The following CELF2 variants were observed in gnomAD, a reference collection of about 807,000 sequenced individuals.
CELF2 encodes CUGBP Elav-like family member 2.
In CELF2, 8 loss-of-function variants were observed where a neutral mutation model predicts 62.6. The ratio of observed to expected loss-of-function variants is 0.13; its 90% CI spans 0.07 to 0.23. The LOEUF (loss-of-function observed/expected upper bound fraction) is 0.23. Among genes scored for constraint, CELF2 ranks in the 10% least tolerant of loss-of-function variants. The probability of loss-of-function intolerance (pLI) is 1.00; values close to 1 mark genes in which losing one functional copy is unlikely to be tolerated. For missense variants in CELF2, 333 were observed against 671.0 expected, an observed-to-expected ratio of 0.50 and a Z score of 5.56; for synonymous variants, 258 against 250.0, an observed-to-expected ratio of 1.03 and a Z score of -0.30.
At chr10:10,842,219 A>C (rs1394141306) in intron 1 of CELF2, among the ~76,000 whole-genome samples, 1 of 152,020 alleles carries the variant, frequency 6.6e-6, no homozygotes, top group African/African-American at 2.4e-5. Context: ...TACATTGCCA[A>C]TTATGCCATC....
At chr10:11,176,630 T>C (rs2133869173) in intron 2 of CELF2, among the ~76,000 whole-genome samples, 1 of 152,328 alleles carries the variant, frequency 6.6e-6, no homozygotes, top group Non-Finnish European at 1.5e-5. Flanking sequence ...GCCTGGCATA[T>C]GGTGGAAACT....
the CELF2 span, among the ~76,000 whole-genome samples, chr10:10,511,534 AG>A: frequency 6.6e-6 from 1 of 152,160 alleles, no homozygotes. Context: ...AAAGGAAAAA[AG>A]CAAAAGTAAG....
chr10:10,982,287 A>G (rs920378173), intron 2 of CELF2, among the ~76,000 whole-genome samples: 2 of 151,990 alleles, frequency 1.3e-5, no homozygotes. Context: ...GGCCCATACA[A>G]TCAAAATCCT....
the CELF2 span, among the ~76,000 whole-genome samples, chr10:10,728,737 T>C: frequency 6.6e-6 from 1 of 152,242 alleles, no homozygotes; most frequent in African/African-American, 2.4e-5. Context: ...AGTGGTAATG[T>C]ATGCACATTG....
chr10:10,924,598 A>G (rs1226275027), intron 2 of CELF2, among the ~76,000 whole-genome samples: 1 of 152,228 alleles, frequency 6.6e-6, no homozygotes, highest in Non-Finnish European at 1.5e-5. Context: ...AATTCGGTAT[A>G]TAAATCAGAT....
At chr10:11,283,733 T>C (rs149272981) in intron 8 of CELF2, among the ~76,000 whole-genome samples, 32 of 151,544 alleles carry the variant, frequency 2.1e-4, no homozygotes, top group African/African-American at 7.8e-4. Flanking sequence ...CTCCCTGGCC[T>C]GAGCCTAGAA....
intron 2 of CELF2, among the ~76,000 whole-genome samples, chr10:11,180,830 C>A (rs988636313): frequency 1.3e-5 from 2 of 152,056 alleles, no homozygotes; most frequent in Admixed American, 1.3e-4. Flanking sequence ...AGTAACACAT[C>A]TAAGTATGTG....
At chr10:11,186,693 T>C (rs1435927543) in intron 2 of CELF2, among the ~76,000 whole-genome samples, 2 of 152,162 alleles carry the variant, frequency 1.3e-5, no homozygotes, top group Non-Finnish European at 2.9e-5. Flanking sequence ...AGTACTGACA[T>C]GATGTTCAAA....
At chr10:10,760,062 G>C in the CELF2 span, among the ~76,000 whole-genome samples, 2 of 152,002 alleles carry the variant, frequency 1.3e-5, no homozygotes, top group African/African-American at 4.8e-5. Flanking sequence ...GTGCCATCAC[G>C]CCTGGCTAAT....
intron 1 of CELF2, among the ~76,000 whole-genome samples, chr10:10,825,213 T>C (rs1191097977): frequency 6.6e-6 from 1 of 152,120 alleles, no homozygotes; most frequent in Non-Finnish European, 1.5e-5. Context: ...TTTTTGTTTT[T>C]TGTGTTTTGT....
At chr10:11,205,923 A>C (rs1465235416) in intron 2 of CELF2, among the ~76,000 whole-genome samples, 1 of 152,236 alleles carries the variant, frequency 6.6e-6, no homozygotes, top group African/African-American at 2.4e-5. Context: ...ACTTCAGCCT[A>C]GCCTTGGATT....
Position 10,993,181 on chromosome 10 carries a change from T to C in CELF2, c.89+73182T>C, listed in dbSNP as rs1478194271. On this transcript the variant is annotated intron_variant, in intron 2 of 13. Transcript: ENST00000636488. This position sits in a 1 kb window ranked among gnomAD's most constrained non-coding sequence, Gnocchi z 5.3. ...AGGTGTATGAGCTACAAAATAACTG[T>C]TGCTTCCCTTCTGTCCTTCAGATCT... Among the ~76,000 whole-genome samples the C allele has an allele frequency of 2.0e-5, 3 of 152,080 alleles. No individual in the cohort carries two copies. Among genetic ancestry groups the C allele is most frequent in the Non-Finnish European group, 4.4e-5 (3 of 68,002 alleles).
chr10:10,924,231 G>A lies in CELF2; in HGVS notation c.89+4232G>A, dbSNP rs562616548. 4.0e-3 allele frequency among the ~76,000 whole-genome samples: 504 copies of A among 124,544 alleles called. 1 individual carries two copies. Among genetic ancestry groups the A allele is most frequent in the Non-Finnish European group, 6.0e-3 (379 of 63,628 alleles). The allele number at this position is 124,544 out of a possible 152,430, so 81.7% of individuals were successfully genotyped here. On this transcript the variant is annotated intron_variant, in intron 2 of 13. Transcript: ENST00000636488. ...CGGGAGGCGGAGCTTGCAGTGAGCC[G>A]AGATCGCGCCACTGCACTCCAGCCT...
intron 2 of CELF2, among the ~76,000 whole-genome samples, chr10:11,174,750 A>G (rs1375622080): frequency 6.6e-6 from 1 of 152,204 alleles, no homozygotes; most frequent in Non-Finnish European, 1.5e-5. Context: ...GTAGTCTTCC[A>G]GCTTTGTCTG....
chr10:10,751,804 C>A, the CELF2 span, among the ~76,000 whole-genome samples: 2 of 152,100 alleles, frequency 1.3e-5, no homozygotes, highest in Non-Finnish European at 2.9e-5. Flanking sequence ...TTGTGAAATA[C>A]ATCGTATTTC....
intron 1 of CELF2, among the ~76,000 whole-genome samples, chr10:11,138,805 G>A (rs78514915): frequency 0.011 from 1,623 of 152,240 alleles, 24 homozygotes; most frequent in African/African-American, 0.037. Flanking sequence ...AATTTATAAT[G>A]ATGTAAGATG....
At chr10:10,467,165 A>G in the CELF2 span, among the ~76,000 whole-genome samples, 17 of 152,064 alleles carry the variant, frequency 1.1e-4, 1 homozygote, top group Non-Finnish European at 7.4e-5. Context: ...GACAAAGTGG[A>G]AATGCTAAGA....
chr10:10,888,519 A>G (rs1481939319), intron 1 of CELF2, among the ~76,000 whole-genome samples: 4 of 152,158 alleles, frequency 2.6e-5, no homozygotes, highest in Non-Finnish European at 5.9e-5. Flanking sequence ...GAAAACAGAG[A>G]CTTCGTTTTA....
the CELF2 span, among the ~76,000 whole-genome samples, chr10:10,505,628 G>T: frequency 6.6e-6 from 1 of 152,078 alleles, no homozygotes; most frequent in Non-Finnish European, 1.5e-5. Context: ...TGGGGCCCTG[G>T]AATACCTTGT....
Sources: gnomAD v4.1 joint callset for allele counts (sites outside exome capture counted in the v4.1 genomes callset) on GRCh38, gnomAD v4.1.1 for gene constraint, Gnocchi (gnomAD v3.1) non-coding constraint, MANE v1.5 for transcripts, NCBI Gene and HGNC (gene_info 2026-07-23, HGNC 2026-07-21) for gene names.